PRDM1: variants seen among roughly 807,000 people sequenced by gnomAD.
PRDM1 encodes the protein PR domain zinc finger protein 1.
PRDM1 carries 13 observed loss-of-function variants against 62.8 expected under a neutral mutation model. That is an observed-to-expected ratio of 0.21 (90% confidence interval 0.13 to 0.33). The LOEUF is 0.33. Among genes scored for constraint, PRDM1 ranks in the 10% least tolerant of loss-of-function variants. The pLI, the probability that PRDM1 is intolerant of heterozygous loss-of-function variation, is 1.00. For synonymous variants in PRDM1, 396 were observed against 417.6 expected, an observed-to-expected ratio of 0.95 and a Z score of 0.63; for missense variants, 895 against 1,058.8, an observed-to-expected ratio of 0.85 and a Z score of 2.15.
chr6:106,002,219 A>G (rs1364729428), intron 1 of PRDM1, among the ~76,000 whole-genome samples: 1 of 152,184 alleles, frequency 6.6e-6, no homozygotes, highest in Non-Finnish European at 1.5e-5. Flanking sequence ...GCAGAGGTAG[A>G]ACAATGGGTG....
upstream of PRDM1, among the ~76,000 whole-genome samples, chr6:106,048,468 T>C (rs902077785): frequency 6.6e-6 from 1 of 152,170 alleles, no homozygotes; most frequent in African/African-American, 2.4e-5. Context: ...CTGACCACGC[T>C]GCATTATTGT....
chr6:106,033,400 G>T (rs1312104898), intron 1 of PRDM1, among the ~76,000 whole-genome samples: 1 of 148,454 alleles, frequency 6.7e-6, no homozygotes, highest in Non-Finnish European at 1.5e-5. Context: ...CGATCCTCCT[G>T]CCTTGACATC....
At chr6:106,086,290 C>A (rs1027877313), upstream of PRDM1, 7 of 420,030 alleles carry the variant, frequency 1.7e-5, no homozygotes, top group Non-Finnish European at 3.0e-5. Flanking sequence ...TTCGCGCAGC[C>A]GAGTGGCTAA....
chr6:106,014,813 T>A (rs979577204), intron 1 of PRDM1, among the ~76,000 whole-genome samples: 1 of 152,170 alleles, frequency 6.6e-6, no homozygotes, highest in Non-Finnish European at 1.5e-5. Flanking sequence ...GGTGTCTTTC[T>A]TTCTTTTTTA....
At chr6:105,999,998 T>C (rs537952875) in intron 1 of PRDM1, among the ~76,000 whole-genome samples, 22 of 152,158 alleles carry the variant, frequency 1.4e-4, no homozygotes, top group East Asian at 9.7e-4. Flanking sequence ...TACAGGCGCC[T>C]GCCACCACGC....
chr6:106,000,501 G>T (rs1772413943), intron 1 of PRDM1, among the ~76,000 whole-genome samples: 1 of 152,032 alleles, frequency 6.6e-6, no homozygotes. Flanking sequence ...ATTTTTAAAT[G>T]TTAAAGCCTC....
upstream of PRDM1, among the ~76,000 whole-genome samples, chr6:106,085,260 C>T (rs982360590): frequency 9.2e-5 from 14 of 151,554 alleles, no homozygotes; most frequent in South Asian, 4.2e-4. Context: ...CATTGCAGGT[C>T]GAAGGAGAAA....
upstream of PRDM1, among the ~76,000 whole-genome samples, chr6:106,082,092 T>C (rs188954299): frequency 4.4e-4 from 67 of 152,314 alleles, no homozygotes; most frequent in African/African-American, 1.6e-3. Flanking sequence ...CTCTTCCGGT[T>C]CTCCAAATAA....
chr6:106,062,449 T>C (rs1200896936), intron 1 of PRDM1, among the ~76,000 whole-genome samples: 1 of 152,206 alleles, frequency 6.6e-6, no homozygotes, highest in East Asian at 1.9e-4. Flanking sequence ...ATTTGAGATG[T>C]ATTTCCAGTG....
intron 4 of PRDM1, among the ~76,000 whole-genome samples, chr6:106,103,008 A>G (rs762556114): frequency 6.6e-6 from 1 of 152,172 alleles, no homozygotes; most frequent in Non-Finnish European, 1.5e-5. Context: ...AACAAAAGTG[A>G]CAATTAGAAC....
chr6:106,039,854 T>C (rs1772969236), intron 1 of PRDM1, among the ~76,000 whole-genome samples: 1 of 152,254 alleles, frequency 6.6e-6, no homozygotes, highest in African/African-American at 2.4e-5. Context: ...AGCTAGTCCA[T>C]AGCGGCTTAG....
At chr6:105,995,609 C>T (rs1313481847) in intron 1 of PRDM1, among the ~76,000 whole-genome samples, 3 of 152,166 alleles carry the variant, frequency 2.0e-5, no homozygotes, top group African/African-American at 2.4e-5. Context: ...ATACATTACA[C>T]AGACGATTGA....
At chr6:106,045,249 T>G (rs1773056057), upstream of PRDM1, among the ~76,000 whole-genome samples, 1 of 152,272 alleles carries the variant, frequency 6.6e-6, no homozygotes, top group Non-Finnish European at 1.5e-5. Context: ...GAAGTGGCTA[T>G]TGCACAAGTC....
chr6:106,104,233 CAG>C (rs900533892), intron 4 of PRDM1, among the ~76,000 whole-genome samples: 1 of 144,972 alleles, frequency 6.9e-6, no homozygotes, highest in African/African-American at 2.6e-5. Context: ...TTTTTTGAGA[CAG>C]AGTTTTGCTC....
chr6:106,086,679 A>T (rs939337625), intron 1 of PRDM1, 84 bp downstream of exon 1: 76 of 1,308,126 alleles, frequency 5.8e-5, no homozygotes, highest in East Asian at 1.3e-4. Context: ...ATTATTATTA[A>T]TTTTTTTTGG....
Position 106,105,052 on chromosome 6 carries a change from GT to G in PRDM1, c.895del (p.Tyr299ThrfsTer12). On this transcript the variant is annotated frameshift_variant, in exon 5 of 7. Transcript: ENST00000369096. LOFTEE classifies it high-confidence loss of function. The part of the protein sequence containing the change: ...SPEMPFYPRV[V>X]YPIRAPLPED... ...CGAAATGCCCTTCTACCCTCGGGTC[GT>G]TTACCCCATCCGGGCCCCTCTGCCA... is the stretch of plus-strand genomic sequence containing the variant. The G allele has an allele frequency of 6.2e-7, 1 of 1,614,018 alleles. No homozygotes were observed. The highest frequency in any genetic ancestry group is 8.5e-7 in the Non-Finnish European group (1 of 1,179,992).
At chr6:105,998,926 TA>T (rs1216776088) in intron 1 of PRDM1, among the ~76,000 whole-genome samples, 14 of 2,220 alleles carry the variant, frequency 6.3e-3, no homozygotes, top group Non-Finnish European at 0.011. Context: ...TATATATATA[TA>T]TATATATTTT....
At chr6:106,051,600 C>T (rs1347657141) in intron 1 of PRDM1, among the ~76,000 whole-genome samples, 3 of 152,070 alleles carry the variant, frequency 2.0e-5, no homozygotes, top group South Asian at 2.1e-4. Flanking sequence ...TGTGTGGTGC[C>T]GCAAAGGATT....
intron 1 of PRDM1, among the ~76,000 whole-genome samples, chr6:105,998,116 GT>G (rs1393209640): frequency 6.6e-6 from 1 of 152,074 alleles, no homozygotes; most frequent in Non-Finnish European, 1.5e-5. Flanking sequence ...TCTGGTTGTG[GT>G]TTTTTTAAGT....
Sources: gnomAD v4.1 joint callset for allele counts (sites outside exome capture counted in the v4.1 genomes callset) on GRCh38, gnomAD v4.1.1 for gene constraint, MANE v1.5 for transcripts, NCBI Gene and HGNC (gene_info 2026-07-23, HGNC 2026-07-21) for gene names.